The following NOL10 variants were observed in gnomAD, a reference collection of about 807,000 sequenced individuals.
NOL10 encodes nucleolar protein 10.
Under a neutral mutation model 103.5 loss-of-function variants are expected in NOL10, and 58 were observed. The observed-to-expected ratio is 0.56, with a 90% CI of 0.45 to 0.70. The LOEUF (loss-of-function observed/expected upper bound fraction) is 0.70, where lower values mean the gene tolerates loss of function less well. Ranked by LOEUF, NOL10 falls within the 30% of genes least tolerant of loss-of-function variation. NOL10 has a pLI of 0.00. For synonymous variants in NOL10, 287 were observed against 282.5 expected, an observed-to-expected ratio of 1.02 and a Z score of -0.16; for missense variants, 763 against 807.3, an observed-to-expected ratio of 0.95 and a Z score of 0.67.
intron 13 of NOL10, among the ~76,000 whole-genome samples, chr2:10,615,164 A>C (rs1165715091): frequency 1.3e-5 from 2 of 152,270 alleles, no homozygotes; most frequent in Non-Finnish European, 2.9e-5. Context: ...ATTATGAGTC[A>C]TTTAAATGTA....
chr2:10,685,352 G>T (rs1195929350), intron 1 of NOL10, among the ~76,000 whole-genome samples: 2 of 151,898 alleles, frequency 1.3e-5, no homozygotes, highest in East Asian at 3.9e-4. Flanking sequence ...AATTAGCTAG[G>T]TGTGGTGGTG....
At chr2:10,579,003 G>C (rs1487202164) in intron 19 of NOL10, among the ~76,000 whole-genome samples, 1 of 152,194 alleles carries the variant, frequency 6.6e-6, no homozygotes, top group Non-Finnish European at 1.5e-5. Context: ...GTGTGAAAGA[G>C]TCTTTTTTTC....
In NOL10 at chr2:10,684,483, C is replaced by T. The variant is rs138511381; in HGVS notation, c.112+84G>A. On this transcript the variant is annotated intron_variant, in intron 2 of 20. Coordinates refer to ENST00000381685, the MANE Select transcript of NOL10 (RefSeq NM_024894.4). ...ACATGTTACCGCATTCTTATAAATC[C>T]TCACTTATATATAACAGCAAATGAG... is the stretch of plus-strand genomic sequence containing the variant. The T allele has an allele frequency of 1.0e-3, 1,090 of 1,074,556 alleles. 14 individuals carry two copies. In the African/African-American group the frequency reaches 0.014, roughly 14 times the overall value. The allele number at this position is 1,074,556 out of a possible 1,614,324, so 66.6% of individuals were successfully genotyped here.
intron 13 of NOL10, among the ~76,000 whole-genome samples, chr2:10,616,861 T>C (rs991232826): frequency 5.9e-5 from 9 of 152,176 alleles, no homozygotes; most frequent in Non-Finnish European, 8.8e-5. Context: ...CATTCTTAAA[T>C]AAGAACAGGT....
intron 13 of NOL10, among the ~76,000 whole-genome samples, chr2:10,607,534 C>G (rs1274524641): frequency 1.3e-5 from 2 of 152,048 alleles, no homozygotes; most frequent in African/African-American, 4.8e-5. Flanking sequence ...CTCACTTAGT[C>G]TAAGGTACAA....
rs1572335670 is a variant in NOL10, at chr2:10,632,402, G to A, written c.1026+11918C>T. 2.0e-5 allele frequency among the ~76,000 whole-genome samples: 3 copies of A among 152,202 alleles called. No individual in the cohort carries two copies. In the South Asian group the frequency reaches 6.2e-4, roughly 32 times the overall value. ...TTGCATAGATAATACATAAATGAATGGGCTCACTGTGTTTCAATAAAACTT... is the reference window on the plus strand; with the variant it reads ...TTGCATAGATAATACATAAATGAATAGGCTCACTGTGTTTCAATAAAACTT... On this transcript the variant is annotated intron_variant, in intron 13 of 20. Transcript: ENST00000381685.
intron 12 of NOL10, among the ~76,000 whole-genome samples, chr2:10,651,357 G>A (rs1210607547): frequency 1.3e-5 from 2 of 152,114 alleles, no homozygotes; most frequent in Non-Finnish European, 2.9e-5. Flanking sequence ...GACCAGCACT[G>A]TCCAATGGAA....
intron 13 of NOL10, among the ~76,000 whole-genome samples, chr2:10,631,489 TA>T (rs1171013671): frequency 6.6e-6 from 1 of 151,512 alleles, no homozygotes; most frequent in Non-Finnish European, 1.5e-5. Flanking sequence ...TTTGGATTTT[TA>T]TAGGAAAAAA....
At chr2:10,624,626 C>T (rs555639029) in intron 13 of NOL10, among the ~76,000 whole-genome samples, 3 of 151,298 alleles carry the variant, frequency 2.0e-5, no homozygotes, top group Non-Finnish European at 4.4e-5. Context: ...TAGAAATGAG[C>T]CATCATCGAA....
chr2:10,625,363 G>C (rs1269614298), intron 13 of NOL10, among the ~76,000 whole-genome samples: 1 of 152,112 alleles, frequency 6.6e-6, no homozygotes, highest in African/African-American at 2.4e-5. Flanking sequence ...GCGTGTGGGG[G>C]AGGGACATAA....
At chr2:10,661,948 C>T (rs1317054731) in intron 9 of NOL10, among the ~76,000 whole-genome samples, 3 of 151,806 alleles carry the variant, frequency 2.0e-5, no homozygotes, top group South Asian at 4.2e-4. Flanking sequence ...CTGGAATACA[C>T]CCAGCCTTCT....
intron 19 of NOL10, among the ~76,000 whole-genome samples, 190 bp from the exon 20 acceptor site, chr2:10,577,928 T>C (rs184990484): frequency 5.3e-5 from 8 of 152,306 alleles, no homozygotes; most frequent in East Asian, 3.9e-4. Context: ...ATTCCAGAGA[T>C]AGACTGTAAA....
intron 11 of NOL10, among the ~76,000 whole-genome samples, chr2:10,656,398 A>G (rs1209435022): frequency 6.6e-6 from 1 of 152,182 alleles, no homozygotes; most frequent in Non-Finnish European, 1.5e-5. Context: ...AGAATTTAGA[A>G]AGACTGAAAG....
At chr2:10,594,319 T>C (rs922592906) in intron 17 of NOL10, among the ~76,000 whole-genome samples, 3 of 152,190 alleles carry the variant, frequency 2.0e-5, no homozygotes, top group Non-Finnish European at 1.5e-5. Context: ...TACCCTCACA[T>C]TGACTGACTG....
At chr2:10,648,632 T>C (rs1679247713) in intron 12 of NOL10, among the ~76,000 whole-genome samples, 1 of 152,158 alleles carries the variant, frequency 6.6e-6, no homozygotes, top group African/African-American at 2.4e-5. Context: ...TCTCCAATAC[T>C]GCAACGACCT....
intron 17 of NOL10, among the ~76,000 whole-genome samples, chr2:10,593,651 C>T (rs1461863089): frequency 6.6e-6 from 1 of 152,120 alleles, no homozygotes; most frequent in Admixed American, 6.5e-5. Flanking sequence ...AGAAAGAAAG[C>T]CTATTTAAAA....
intron 13 of NOL10, among the ~76,000 whole-genome samples, chr2:10,633,402 GATATATTAATT>G (rs1196897487): frequency 1.3e-5 from 2 of 150,864 alleles, no homozygotes; most frequent in Admixed American, 6.6e-5. Context: ...ATATATAATT[GATATATTAATT>G]ATATATTAAT....
At chr2:10,680,646 T>C (rs1342626645) in intron 3 of NOL10, among the ~76,000 whole-genome samples, 1 of 152,156 alleles carries the variant, frequency 6.6e-6, no homozygotes, top group Non-Finnish European at 1.5e-5. Flanking sequence ...AACATAAAAC[T>C]GAAGGCTAAG....
intron 12 of NOL10, among the ~76,000 whole-genome samples, chr2:10,644,852 T>C (rs1353646866): frequency 1.3e-5 from 2 of 152,252 alleles, no homozygotes; most frequent in Non-Finnish European, 2.9e-5. Context: ...AAGTACATTA[T>C]TATTTGGTAC....
Sources: allele counts gnomAD v4.1 joint callset (sites outside exome capture counted in the v4.1 genomes callset), GRCh38; gene constraint gnomAD v4.1.1; transcripts MANE v1.5; gene names NCBI Gene and HGNC (gene_info 2026-07-23, HGNC 2026-07-21).